CNTLN: variants seen among roughly 807,000 people sequenced by gnomAD.
CNTLN encodes centlein, also known as centlein, centrosomal protein.
Under a neutral mutation model 180.0 loss-of-function variants are expected in CNTLN, and 212 were observed. The observed-to-expected ratio is 1.18, with a 90% CI of 1.05 to 1.32. The LOEUF (loss-of-function observed/expected upper bound fraction) is 1.32. Among genes scored for constraint, CNTLN ranks in the 40% most tolerant of loss-of-function variants. CNTLN has a pLI of 0.00. For missense variants in CNTLN, 2,095 were observed against 1,610.9 expected (o/e 1.30, Z -5.14); for synonymous variants, 722 against 563.1 (o/e 1.28, Z -3.99).
intron 2 of CNTLN, among the ~76,000 whole-genome samples, chr9:17,144,417 G>GT (rs959716390): frequency 3.9e-5 from 6 of 152,046 alleles, no homozygotes; most frequent in South Asian, 4.2e-4. Flanking sequence ...GACTCCCTCT[G>GT]TTTTTTTAGT....
chr9:17,470,460 A>C (rs1831994193), intron 23 of CNTLN, among the ~76,000 whole-genome samples: 1 of 151,902 alleles, frequency 6.6e-6, no homozygotes, highest in African/African-American at 2.4e-5. Flanking sequence ...CTGTTGTGGA[A>C]TCTATGTTCC....
chr9:17,323,847 G>C (rs1820084974), intron 8 of CNTLN, among the ~76,000 whole-genome samples: 1 of 152,066 alleles, frequency 6.6e-6, no homozygotes, highest in Admixed American at 6.6e-5. Flanking sequence ...TACCCTAGCA[G>C]TTAACAAGGT....
At chr9:17,135,556 C>T (rs1265900708) in intron 1 of CNTLN, 131 bp downstream of exon 1, 2 of 1,231,590 alleles carry the variant, frequency 1.6e-6, no homozygotes, top group Non-Finnish European at 2.2e-6. Flanking sequence ...GCACACCCTG[C>T]TTCGCTCGCG....
At chr9:17,512,237 GC>G in the CNTLN span, among the ~76,000 whole-genome samples, 2 of 152,190 alleles carry the variant, frequency 1.3e-5, no homozygotes, top group Non-Finnish European at 2.9e-5. Flanking sequence ...GAGATTCAAA[GC>G]CAAAGTAGAA....
intron 18 of CNTLN, among the ~76,000 whole-genome samples, chr9:17,454,413 A>G (rs1830988844): frequency 1.3e-5 from 2 of 152,212 alleles, no homozygotes; most frequent in Middle Eastern, 3.2e-3. Context: ...ATATAGAGTC[A>G]GAGGAGCATA....
intron 24 of CNTLN, among the ~76,000 whole-genome samples, chr9:17,485,917 C>T (rs1279951230): frequency 6.6e-6 from 1 of 152,046 alleles, no homozygotes; most frequent in East Asian, 1.9e-4. Flanking sequence ...TCTTGATAGC[C>T]CCAAAGACTA....
intron 25 of CNTLN, among the ~76,000 whole-genome samples, chr9:17,494,721 C>T (rs1427761698): frequency 6.6e-6 from 1 of 152,104 alleles, no homozygotes; most frequent in Non-Finnish European, 1.5e-5. Context: ...GGTTGTAGCA[C>T]AACACATTAC....
At chr9:17,314,898 A>C (rs963065441) in intron 8 of CNTLN, among the ~76,000 whole-genome samples, 1 of 152,210 alleles carries the variant, frequency 6.6e-6, no homozygotes, top group African/African-American at 2.4e-5. Flanking sequence ...TTTAAAGACT[A>C]TTTTAACTGA....
intron 2 of CNTLN, among the ~76,000 whole-genome samples, chr9:17,159,722 A>G (rs1819547366): frequency 6.6e-6 from 1 of 152,038 alleles, no homozygotes; most frequent in Non-Finnish European, 1.5e-5. Context: ...GCTGTCTGGA[A>G]TGGAGACTAC....
chr9:17,214,199 T>A (rs1439626464), intron 2 of CNTLN, among the ~76,000 whole-genome samples: 1 of 152,222 alleles, frequency 6.6e-6, no homozygotes, highest in Non-Finnish European at 1.5e-5. Flanking sequence ...GTACCGGTTG[T>A]TCCTTTCCAT....
chr9:17,438,649 T>C (rs1420269328), intron 18 of CNTLN, among the ~76,000 whole-genome samples: 1 of 152,220 alleles, frequency 6.6e-6, no homozygotes, highest in East Asian at 1.9e-4. Flanking sequence ...TTATCGTTTG[T>C]AGCCAAATGG....
chr9:17,178,311 C>G (rs184204927), intron 2 of CNTLN, among the ~76,000 whole-genome samples: 3 of 152,322 alleles, frequency 2.0e-5, no homozygotes, highest in Non-Finnish European at 4.4e-5. Context: ...TAAAGGTTCT[C>G]CAATTCCCCA....
In CNTLN at chr9:17,332,730, G is replaced by A. The variant is rs1376820847; in HGVS notation, c.1644G>A (p.Lys548=). ...ACTTAGAGAAGGCACTACAACTAAA[G>A]GTGAACATTAAATCATTTCTTTAGT... The part of the protein sequence containing the change: ...IENLEKALQL[K]SQENDELRDA... The change falls in exon 10 of 26, where the codon AAG becomes AAA. Residue 548 remains lysine (K), a splice_region_variant and synonymous_variant. Transcript: ENST00000380647. The A allele has an allele frequency of 1.3e-6, 2 of 1,581,660 alleles. No homozygotes were observed. Among genetic ancestry groups the A allele is most frequent in the Non-Finnish European group, 1.7e-6 (2 of 1,168,456 alleles).
chr9:17,497,665 C>G (rs1442899507), intron 25 of CNTLN, among the ~76,000 whole-genome samples: 1 of 152,154 alleles, frequency 6.6e-6, no homozygotes, highest in Non-Finnish European at 1.5e-5. Flanking sequence ...CTTCTCTGTC[C>G]ATTTTTAGCA....
chr9:17,516,304 A>G, the CNTLN span, among the ~76,000 whole-genome samples: 53 of 152,336 alleles, frequency 3.5e-4, no homozygotes, highest in African/African-American at 1.2e-3. Context: ...GTCATGTAAC[A>G]GTGTGGGGGA....
intron 8 of CNTLN, among the ~76,000 whole-genome samples, chr9:17,312,379 T>TAC (rs1563984996): frequency 5.8e-5 from 6 of 103,544 alleles, no homozygotes; most frequent in Admixed American, 3.1e-4. Flanking sequence ...TATATATATA[T>TAC]ATATAATTTA....
chr9:17,218,563 TCTTA>T (rs1343108019), intron 2 of CNTLN, among the ~76,000 whole-genome samples: 1 of 152,130 alleles, frequency 6.6e-6, no homozygotes, highest in East Asian at 1.9e-4. Context: ...TGTTATTAAG[TCTTA>T]CTGTTTTAGA....
At chr9:17,485,561 G>T (rs1046033434) in intron 24 of CNTLN, among the ~76,000 whole-genome samples, 29 of 152,162 alleles carry the variant, frequency 1.9e-4, no homozygotes, top group African/African-American at 6.5e-4. Flanking sequence ...TCTGGCAAGG[G>T]TGTTAACTAA....
chr9:17,202,646 G>GTTTTTTTTTTTTTTTTTTTT (rs57960408), intron 2 of CNTLN, among the ~76,000 whole-genome samples: 16 of 71,474 alleles, frequency 2.2e-4, no homozygotes, highest in Admixed American at 8.1e-4. Flanking sequence ...TGCAACCTCT[G>GTTTTTTTTTTTTTTTTTTTT]TTTTTTTTTT....
Sources: gnomAD v4.1 joint callset for allele counts (sites outside exome capture counted in the v4.1 genomes callset) on GRCh38, gnomAD v4.1.1 for gene constraint, MANE v1.5 for transcripts, NCBI Gene and HGNC (gene_info 2026-07-23, HGNC 2026-07-21) for gene names.